Variants in REPS2 observed in about 807,000 individuals in gnomAD.
REPS2 encodes the protein RALBP1 associated Eps domain containing 2.
In REPS2, 23 loss-of-function variants were observed where a neutral mutation model predicts 53.6. That is an observed-to-expected ratio of 0.43 (90% confidence interval 0.31 to 0.61). The LOEUF is 0.61. Among genes scored for constraint, REPS2 ranks in the 20% least tolerant of loss-of-function variants. REPS2 has a pLI of 0.11. For synonymous variants in REPS2, 238 were observed against 218.6 expected, an observed-to-expected ratio of 1.09 and a Z score of -0.78; for missense variants, 446 against 534.9, an observed-to-expected ratio of 0.83 and a Z score of 1.64.
Position 17,143,754 on chromosome X carries a change from C to T in REPS2, c.1915-3659C>T, listed in dbSNP as rs927769464. Among the ~76,000 whole-genome samples, 10 of 110,511 alleles carry T rather than the reference C, an allele frequency of 9.0e-5. No homozygotes were observed. In the South Asian group the frequency reaches 1.1e-3, roughly 13 times the overall value. ...TTTTTTGTTCTCTGTTTATTTTTGA[C>T]GGTATCCTATTCTTGTTTCATTGTT... On this transcript the variant is annotated intron_variant, in intron 17 of 17. Transcript: ENST00000357277.
At chrX:17,070,981 AG>A (rs761287590) in intron 11 of REPS2, among the ~76,000 whole-genome samples, 7 of 111,589 alleles carry the variant, frequency 6.3e-5, no homozygotes, top group African/African-American at 2.3e-4. Flanking sequence ...CAATTATGGA[AG>A]CCTGAGAAGG....
At chrX:17,119,409 T>G (rs1171835303) in intron 14 of REPS2, among the ~76,000 whole-genome samples, 6 of 112,555 alleles carry the variant, frequency 5.3e-5, no homozygotes, top group Non-Finnish European at 1.1e-4. Context: ...CCTCATTATA[T>G]TATGCCCATG....
the REPS2 span, among the ~76,000 whole-genome samples, chrX:17,190,917 G>A: frequency 9.0e-6 from 1 of 111,452 alleles, no homozygotes; most frequent in African/African-American, 3.3e-5. Context: ...ACATCCATAT[G>A]CGAAAAGATG....
At chrX:17,051,655 G>T (rs1302518723) in intron 6 of REPS2, among the ~76,000 whole-genome samples, 5 of 112,164 alleles carry the variant, frequency 4.5e-5, no homozygotes, top group African/African-American at 1.6e-4. Context: ...GAATATTTGT[G>T]TACCAGTTTT....
At chrX:17,021,915 T>C (rs1426172014) in intron 2 of REPS2, among the ~76,000 whole-genome samples, 2 of 112,263 alleles carry the variant, frequency 1.8e-5, no homozygotes, top group African/African-American at 6.5e-5. Flanking sequence ...CATTGAAAAA[T>C]GTTAAGCCAG....
At chrX:17,079,939 A>C (rs763602971) in intron 13 of REPS2, among the ~76,000 whole-genome samples, 4 of 112,334 alleles carry the variant, frequency 3.6e-5, no homozygotes, top group Admixed American at 1.9e-4. Context: ...AATGCTGACA[A>C]ACTAGAAATG....
At chrX:17,090,286 G>A (rs753539981) in intron 13 of REPS2, among the ~76,000 whole-genome samples, 17 of 112,468 alleles carry the variant, frequency 1.5e-4, no homozygotes, top group South Asian at 1.1e-3. Context: ...CCACGTGGCC[G>A]GGGAAGCCTC....
chrX:16,976,843 C>T (rs753840746), intron 1 of REPS2, among the ~76,000 whole-genome samples: 4 of 111,660 alleles, frequency 3.6e-5, no homozygotes, highest in African/African-American at 9.8e-5. Context: ...ATAAAATTGC[C>T]TAGGTGGTGA....
chrX:17,192,600 AT>A, the REPS2 span, among the ~76,000 whole-genome samples: 4 of 111,623 alleles, frequency 3.6e-5, no homozygotes, highest in East Asian at 1.1e-3. Flanking sequence ...TCTCCCTCAT[AT>A]TTTTTTGAAA....
intron 5 of REPS2, 122 bp from the exon 6 acceptor site, chrX:17,047,225 A>G (rs1389162567): frequency 1.4e-6 from 1 of 716,179 alleles, no homozygotes; most frequent in Admixed American, 3.2e-5. Flanking sequence ...AGGCAGTTAA[A>G]TTTCTTCACC....
At position 17,067,171 on chromosome X, in the gene REPS2, A is replaced by G. The variant is rs373760890; in HGVS notation, c.1210-1231A>G. On this transcript the variant is annotated intron_variant, in intron 9 of 17. Transcript: ENST00000357277. ...TGACAAGTCTTCCTCCCATCTACCA[A>G]CTCACCTTTCAATTCTTACATATCT... Among the ~76,000 whole-genome samples the G allele has an allele frequency of 7.2e-5, 8 of 111,517 alleles. No individual in the cohort carries two copies. In the East Asian group the frequency reaches 2.2e-3, roughly 31 times the overall value.
chrX:17,132,946 T>A (rs1018304476), intron 14 of REPS2, among the ~76,000 whole-genome samples: 3 of 112,508 alleles, frequency 2.7e-5, no homozygotes, highest in African/African-American at 9.7e-5. Flanking sequence ...CAATTCTGCA[T>A]TTTTATAAAA....
chrX:16,949,829 C>T (rs773700121), intron 1 of REPS2, among the ~76,000 whole-genome samples: 1 of 111,206 alleles, frequency 9.0e-6, no homozygotes, highest in East Asian at 2.8e-4. Context: ...TTACTCTCAA[C>T]GTCCCACATC....
At chrX:17,145,939 T>G (rs896143868) in intron 17 of REPS2, among the ~76,000 whole-genome samples, 4 of 109,674 alleles carry the variant, frequency 3.6e-5, no homozygotes. Context: ...GAAACCCCGT[T>G]TCTACTAAAA....
At chrX:17,067,635 T>C (rs1179589834) in intron 9 of REPS2, among the ~76,000 whole-genome samples, 4 of 112,375 alleles carry the variant, frequency 3.6e-5, no homozygotes, top group Non-Finnish European at 5.6e-5. Flanking sequence ...GAGAAAATTT[T>C]AATCTGCTCA....
At chrX:17,068,795 C>T (rs113992052) in intron 10 of REPS2, among the ~76,000 whole-genome samples, 4 of 112,604 alleles carry the variant, frequency 3.6e-5, no homozygotes, top group Admixed American at 9.4e-5. Flanking sequence ...GTTGTGTTTG[C>T]GGATGTGATC....
rs2060782481 is a variant in REPS2, at chrX:16,967,291, G to C, written c.273+20157G>C. Among the ~76,000 whole-genome samples the C allele has an allele frequency of 2.7e-5, 3 of 110,529 alleles. No homozygotes were observed. The South Asian group carries it at 1.2e-3, about 42-fold the overall frequency. On this transcript the variant is annotated intron_variant, in intron 1 of 17. Transcript: ENST00000357277. ...GTGGCAGAGTTGAGTAGTTGTAATA[G>C]AGACCATATAGCTCCCAGACCCTAA...
At chrX:17,078,294 C>G (rs2062408530) in intron 13 of REPS2, among the ~76,000 whole-genome samples, 1 of 112,411 alleles carries the variant, frequency 8.9e-6, no homozygotes, top group African/African-American at 3.2e-5. Context: ...AGATTATTAT[C>G]TTTTCTGCTA....
chrX:17,110,542 ATT>A (rs1301739571), intron 14 of REPS2, among the ~76,000 whole-genome samples: 144 of 106,448 alleles, frequency 1.4e-3, no homozygotes, highest in African/African-American at 4.3e-3. Context: ...AAAAACAAAA[ATT>A]AGCCGGGCGG....
Sources: gnomAD v4.1 joint callset for allele counts (sites outside exome capture counted in the v4.1 genomes callset) on GRCh38, gnomAD v4.1.1 for gene constraint, MANE v1.5 for transcripts, NCBI Gene and HGNC (gene_info 2026-07-23, HGNC 2026-07-21) for gene names.